Variants in SHMT1 observed in about 807,000 individuals in gnomAD.
SHMT1 encodes serine hydroxymethyltransferase 1, also known as serine hydroxymethyltransferase, cytosolic.
In SHMT1, 45 loss-of-function variants were observed where a neutral mutation model predicts 49.0. The ratio of observed to expected loss-of-function variants is 0.92; its 90% CI spans 0.72 to 1.18. The LOEUF (loss-of-function observed/expected upper bound fraction) is 1.18. SHMT1 is among the 50% of genes most tolerant of loss of function. SHMT1 has a pLI of 0.00. For synonymous variants in SHMT1, 232 were observed against 246.6 expected (o/e 0.94, Z 0.55); for missense variants, 541 against 612.4 (o/e 0.88, Z 1.23).
intron 5 of SHMT1, among the ~76,000 whole-genome samples, chr17:18,345,614 A>G (rs1985006354): frequency 6.7e-6 from 1 of 149,736 alleles, no homozygotes. Context: ...TGACCTCATG[A>G]TCCGCCTGCC....
chr17:18,342,587 T>G (rs1249560051), intron 5 of SHMT1, among the ~76,000 whole-genome samples: 1 of 152,024 alleles, frequency 6.6e-6, no homozygotes, highest in East Asian at 1.9e-4. Flanking sequence ...GTGCTGAGAT[T>G]ATAGGTGTGA....
chr17:18,348,220 T>TATGGCAGTCC (rs777674610), intron 4 of SHMT1, 105 bp downstream of exon 4: 3 of 831,338 alleles, frequency 3.6e-6, no homozygotes, highest in Admixed American at 2.0e-5. Flanking sequence ...GGGCCCGGCC[T>TATGGCAGTCC]ATGGCAGTCC....
chr17:18,336,054 G>A (rs530973016), intron 7 of SHMT1, among the ~76,000 whole-genome samples: 7 of 152,218 alleles, frequency 4.6e-5, no homozygotes, highest in Non-Finnish European at 7.4e-5. Flanking sequence ...CAAGGCGGGC[G>A]GATCACGAGG....
At chr17:18,360,930 G>T (rs1378798654) in intron 1 of SHMT1, among the ~76,000 whole-genome samples, 3 of 152,148 alleles carry the variant, frequency 2.0e-5, no homozygotes, top group Non-Finnish European at 4.4e-5. Context: ...AGCACTTTGG[G>T]AGGCCGAGGT....
At chr17:18,343,920 A>T (rs982233766) in intron 5 of SHMT1, among the ~76,000 whole-genome samples, 54 of 69,012 alleles carry the variant, frequency 7.8e-4, no homozygotes, top group African/African-American at 3.2e-3. Context: ...ATACTGTCTT[A>T]AAAAAAAAAA....
intron 7 of SHMT1, among the ~76,000 whole-genome samples, chr17:18,336,297 AAAG>A (rs796942676): frequency 4.3e-4 from 65 of 151,530 alleles, no homozygotes; most frequent in African/African-American, 1.5e-3. Context: ...AAAGAAAAAA[AAAG>A]GACAGAAATT....
intron 7 of SHMT1, among the ~76,000 whole-genome samples, chr17:18,338,666 C>T (rs1258240385): frequency 6.6e-6 from 1 of 152,184 alleles, no homozygotes; most frequent in Non-Finnish European, 1.5e-5. Context: ...GTTGCTGTGT[C>T]TGTGTAGAAA....
chr17:18,334,726 G>C (rs532296423), intron 8 of SHMT1, among the ~76,000 whole-genome samples: 3 of 152,318 alleles, frequency 2.0e-5, no homozygotes, highest in African/African-American at 7.2e-5. Context: ...ATCCCGCACA[G>C]AGCCTCCAAT....
At position 18,330,637 on chromosome 17, in the gene SHMT1, G is replaced by C; in HGVS notation, c.1089C>G (p.Leu363=). The change falls in exon 10 of 12, where the codon CTC becomes CTG. Residue 363 remains leucine (L), a synonymous_variant. Transcript: ENST00000316694. ...TTCCACCATCTGTGCCTTTGGAACGGAGATCCACAAGGATCAAATGGTTGT... is the reference window on the plus strand; with the variant it reads ...TTCCACCATCTGTGCCTTTGGAACGCAGATCCACAAGGATCAAATGGTTGT... The part of the protein sequence containing the change: ...GSDNHLILVD[L]RSKGTDGGRA... 6.2e-7 allele frequency: 1 copy of C among 1,614,134 alleles called. No homozygotes were observed.
At chr17:18,355,662 G>A (rs1598064572) in intron 2 of SHMT1, among the ~76,000 whole-genome samples, 1 of 152,198 alleles carries the variant, frequency 6.6e-6, no homozygotes, top group Admixed American at 6.6e-5. Flanking sequence ...TCCCCTTCTC[G>A]CTTTTCTCCA....
intron 1 of SHMT1, among the ~76,000 whole-genome samples, chr17:18,357,925 G>A (rs1410267627): frequency 2.7e-5 from 4 of 146,860 alleles, no homozygotes; most frequent in Non-Finnish European, 4.5e-5. Context: ...GTACAGTGGC[G>A]CGATCTCGGC....
chr17:18,342,095 C>T (rs1984582732), intron 5 of SHMT1, among the ~76,000 whole-genome samples: 2 of 152,146 alleles, frequency 1.3e-5, no homozygotes, highest in African/African-American at 4.8e-5. Flanking sequence ...GACATGTGCA[C>T]TCCCATGTTC....
intron 9 of SHMT1, 71 bp downstream of exon 9, chr17:18,333,095 T>G (rs1184578073): frequency 9.4e-6 from 15 of 1,588,420 alleles, no homozygotes; most frequent in Non-Finnish European, 1.0e-5. Flanking sequence ...ACATCCTGGT[T>G]GCACAAACTG....
chr17:18,353,446 C>A, intron 3 of SHMT1: 1 of 573,570 alleles, frequency 1.7e-6, no homozygotes, highest in South Asian at 1.9e-5. Flanking sequence ...TTCTAGAAAG[C>A]CCCCAAAGAA....
At chr17:18,329,425 T>G in intron 10 of SHMT1, 37 bp from the exon 11 acceptor site, 1 of 1,490,818 alleles carries the variant, frequency 6.7e-7, no homozygotes, top group Non-Finnish European at 9.3e-7. Flanking sequence ...TAAGTCACAT[T>G]GTCACCACTG....
At chr17:18,345,678 CTTAT>C (rs145266771) in intron 5 of SHMT1, among the ~76,000 whole-genome samples, 16,451 of 151,070 alleles carry the variant, frequency 0.11, 976 homozygotes, top group South Asian at 0.18. Flanking sequence ...CCCTGCCTTT[CTTAT>C]TTATTTATTT....
intron 5 of SHMT1, among the ~76,000 whole-genome samples, chr17:18,344,472 G>A (rs946358605): frequency 8.0e-5 from 12 of 149,672 alleles, no homozygotes; most frequent in Middle Eastern, 3.5e-3. Flanking sequence ...TTTGAGACCC[G>A]CCTGGGCAAC....
intron 3 of SHMT1, among the ~76,000 whole-genome samples, chr17:18,349,961 G>A (rs74792197): frequency 0.11 from 16,554 of 151,014 alleles, 1,009 homozygotes; most frequent in South Asian, 0.18. Context: ...CGGAGGTTGC[G>A]GTGAGCCGAG....
At chr17:18,357,263 G>C (rs1986323846) in intron 1 of SHMT1, among the ~76,000 whole-genome samples, 2 of 113,288 alleles carry the variant, frequency 1.8e-5, no homozygotes, top group Admixed American at 2.5e-4. Flanking sequence ...CCTGGCCATA[G>C]AGCAAGACTC....
Sources: gnomAD v4.1 joint callset for allele counts (sites outside exome capture counted in the v4.1 genomes callset) on GRCh38, gnomAD v4.1.1 for gene constraint, MANE v1.5 for transcripts, NCBI Gene and HGNC (gene_info 2026-07-23, HGNC 2026-07-21) for gene names.